The following ZC3H12C variants were observed in gnomAD, a reference collection of about 807,000 sequenced individuals.
ZC3H12C encodes zinc finger CCCH-type containing 12C.
Under a neutral mutation model 76.3 loss-of-function variants are expected in ZC3H12C, and 20 were observed. The ratio of observed to expected loss-of-function variants is 0.26; its 90% CI spans 0.18 to 0.38. The LOEUF is 0.38. ZC3H12C is among the 10% of genes least tolerant of loss of function. The pLI, the probability that ZC3H12C is intolerant of heterozygous loss-of-function variation, is 1.00. For missense variants in ZC3H12C, 874 were observed against 1,086.5 expected, an observed-to-expected ratio of 0.80 and a Z score of 2.75; for synonymous variants, 352 against 399.6, an observed-to-expected ratio of 0.88 and a Z score of 1.42.
chr11:110,093,895 C>G (rs1861063400), intron 1 of ZC3H12C, among the ~76,000 whole-genome samples: 1 of 152,102 alleles, frequency 6.6e-6, no homozygotes, highest in Non-Finnish European at 1.5e-5. Context: ...CCTGGCCATT[C>G]GCTTAACTAT....
intron 1 of ZC3H12C, among the ~76,000 whole-genome samples, chr11:110,134,976 C>T (rs1011722885): frequency 5.3e-5 from 8 of 152,144 alleles, no homozygotes; most frequent in Non-Finnish European, 1.0e-4. Context: ...GGTATGCTTT[C>T]AAATTTGTGA....
At chr11:110,157,429 T>C (rs1275810639) in intron 3 of ZC3H12C, among the ~76,000 whole-genome samples, 2 of 148,342 alleles carry the variant, frequency 1.3e-5, no homozygotes, top group African/African-American at 2.5e-5. Flanking sequence ...AAAGGTCTGG[T>C]CTTTTTTTTT....
chr11:110,131,305 A>T, intron 1 of ZC3H12C: 1 of 572,108 alleles, frequency 1.7e-6, no homozygotes, highest in Non-Finnish European at 3.1e-6. Context: ...GTCTAGAGTT[A>T]TATAAATAAT....
intron 1 of ZC3H12C, among the ~76,000 whole-genome samples, chr11:110,109,121 C>A (rs1266996349): frequency 1.3e-5 from 2 of 152,114 alleles, no homozygotes; most frequent in African/African-American, 4.8e-5. Context: ...CTTTGTTGGG[C>A]TTTGTCAGCA....
At chr11:110,093,881 C>T (rs1425740046) in intron 1 of ZC3H12C, among the ~76,000 whole-genome samples, 1 of 152,150 alleles carries the variant, frequency 6.6e-6, no homozygotes, top group East Asian at 1.9e-4. Flanking sequence ...ATCTCGGATC[C>T]AGCCCTGGCC....
intron 1 of ZC3H12C, among the ~76,000 whole-genome samples, chr11:110,130,831 C>A (rs75816990): frequency 7.9e-5 from 12 of 152,142 alleles, no homozygotes; most frequent in African/African-American, 2.7e-4. Context: ...GCAGACCCTG[C>A]GAATGACATC....
intron 1 of ZC3H12C, 189 bp from the exon 2 acceptor site, chr11:110,136,474 T>A (rs1262550887): frequency 1.7e-6 from 1 of 602,048 alleles, no homozygotes; most frequent in East Asian, 2.9e-5. Context: ...ATGGCCTTTC[T>A]AATTTATGAC....
At chr11:110,125,912 G>A (rs1477021019) in intron 1 of ZC3H12C, among the ~76,000 whole-genome samples, 1 of 146,242 alleles carries the variant, frequency 6.8e-6, no homozygotes, top group Non-Finnish European at 1.5e-5. Context: ...CAGAGAGATA[G>A]TCTAGAAGCT....
intron 1 of ZC3H12C, chr11:110,131,289 T>C: frequency 5.0e-6 from 3 of 603,224 alleles, no homozygotes; most frequent in Non-Finnish European, 8.7e-6. Context: ...TTTTTACACT[T>C]TTCTAGTCTA....
chr11:110,121,600 C>CTT (rs5794665), intron 1 of ZC3H12C, among the ~76,000 whole-genome samples: 3 of 151,142 alleles, frequency 2.0e-5, no homozygotes, highest in Non-Finnish European at 4.4e-5. Context: ...ACAGCAGTTC[C>CTT]TTTTTTTTTT....
intron 1 of ZC3H12C, among the ~76,000 whole-genome samples, chr11:110,100,264 C>T (rs7123779): frequency 0.35 from 50,246 of 143,470 alleles, 9,492 homozygotes; most frequent in East Asian, 0.66. Context: ...AGGCCAGTCT[C>T]GAACTCCTGG....
At chr11:110,126,029 C>T (rs1360769675) in intron 1 of ZC3H12C, among the ~76,000 whole-genome samples, 1 of 152,050 alleles carries the variant, frequency 6.6e-6, no homozygotes. Flanking sequence ...AGTAAATGTC[C>T]CAAGCCCTTT....
Position 110,159,326 on chromosome 11 carries a change from G to C in ZC3H12C, c.984G>C (p.Gly328=), listed in dbSNP as rs1274136516. Residue 328 remains glycine (G), a synonymous_variant, in exon 4 of 6, where the codon GGG becomes GGC. Transcript: ENST00000278590. ...LVFTPSRRVQ[G]RRVVCYDDRF... ...TCACGCCATCCCGGCGAGTCCAGGG[G>C]AGGAGAGTGGTGTGCTATGACGACA... 1 of 1,614,050 alleles carries C rather than the reference G, an allele frequency of 6.2e-7. No homozygotes were observed. Among genetic ancestry groups the C allele is most frequent in the Non-Finnish European group, 8.5e-7 (1 of 1,180,004 alleles).
intron 1 of ZC3H12C, chr11:110,130,911 A>T: frequency 1.0e-6 from 1 of 981,946 alleles, no homozygotes; most frequent in Non-Finnish European, 1.5e-6. Context: ...TGCCCGGCCA[A>T]CTAATTGTGA....
chr11:110,102,813 G>T (rs1317670682), intron 1 of ZC3H12C, among the ~76,000 whole-genome samples: 1 of 152,274 alleles, frequency 6.6e-6, no homozygotes, highest in Admixed American at 6.5e-5. Context: ...ACCCTGATAA[G>T]TCAGCAGCCA....
intron 1 of ZC3H12C, among the ~76,000 whole-genome samples, chr11:110,099,781 C>T (rs954401610): frequency 5.4e-5 from 8 of 149,514 alleles, no homozygotes; most frequent in African/African-American, 2.0e-4. Context: ...CACTGCACTC[C>T]AGCCTGGGTG....
Position 110,137,020 on chromosome 11 carries a change from G to A in ZC3H12C, c.379G>A (p.Glu127Lys). 6.2e-7 allele frequency: 1 copy of A among 1,613,838 alleles called. No individual in the cohort carries two copies. The highest frequency in any genetic ancestry group is 1.7e-4 in the Middle Eastern group (1 of 6,060). Reference sequence around the variant, plus strand: ...ACAGCTCTGCAGGTCTCCCTGTTTAGAGCCTCACATACTCAAGCGCAATGA... The same window carrying A: ...ACAGCTCTGCAGGTCTCCCTGTTTAAAGCCTCACATACTCAAGCGCAATGA... ...HRQLCRSPCL[E>K]PHILKRNEIL... Residue 127 changes from glutamate (E) to lysine (K), a missense_variant, in exon 2 of 6, where the codon GAG becomes AAG. Glu to Lys is a moderately conservative substitution (Grantham distance 56). Transcript: ENST00000278590.
intron 2 of ZC3H12C, among the ~76,000 whole-genome samples, chr11:110,151,881 G>T (rs1862277090): frequency 1.3e-5 from 2 of 151,640 alleles, no homozygotes; most frequent in Admixed American, 6.6e-5. Context: ...TACTAAAAAT[G>T]ATTAGCCATA....
chr11:110,143,945 A>C (rs1862115526), intron 2 of ZC3H12C, among the ~76,000 whole-genome samples: 1 of 152,248 alleles, frequency 6.6e-6, no homozygotes, highest in South Asian at 2.1e-4. Context: ...TTTTATAATC[A>C]TACTTATTTT....
Sources: gnomAD v4.1 joint callset for allele counts (sites outside exome capture counted in the v4.1 genomes callset) on GRCh38, gnomAD v4.1.1 for gene constraint, MANE v1.5 for transcripts, NCBI Gene and HGNC (gene_info 2026-07-23, HGNC 2026-07-21) for gene names.